Variants in RAD51B observed in about 807,000 individuals in gnomAD.
The protein encoded by RAD51B is RAD51 paralog B, also known as DNA repair protein RAD51 homolog 2.
In RAD51B, 38 loss-of-function variants were observed where a neutral mutation model predicts 42.2. The observed-to-expected ratio is 0.90, with a 90% CI of 0.70 to 1.18. RAD51B has a LOEUF of 1.18. RAD51B is among the 50% of genes most tolerant of loss of function. RAD51B has a pLI of 0.00. For missense variants in RAD51B, 373 were observed against 400.7 expected (o/e 0.93, Z 0.59); for synonymous variants, 154 against 145.2 (o/e 1.06, Z -0.43).
chr14:68,673,990 CACAT>C (rs1323232352), intron 11 of RAD51B, among the ~76,000 whole-genome samples: 2 of 152,060 alleles, frequency 1.3e-5, no homozygotes, highest in Admixed American at 6.5e-5. Context: ...ATACTGTACA[CACAT>C]ATATATACAT....
intron 10 of RAD51B, among the ~76,000 whole-genome samples, chr14:68,558,384 A>C (rs565125059): frequency 6.6e-6 from 1 of 152,358 alleles, no homozygotes; most frequent in Admixed American, 6.5e-5. Flanking sequence ...GGGCTCCCCT[A>C]GCCACGCGGG....
Position 68,559,447 on chromosome 14 carries a change from C to A in RAD51B, c.1037-35038C>A, listed in dbSNP as rs527841977. On this transcript the variant is annotated intron_variant, in intron 10 of 10. Coordinates refer to the RAD51B transcript ENST00000487270. ...CTAGGCTGGAGTGCAGTGGCGTGAT[C>A]TTGGCTCACTGCAACCTCTGCCTCC... Among the ~76,000 whole-genome samples, 8 of 149,380 alleles carry A rather than the reference C, an allele frequency of 5.4e-5. No homozygotes were observed. The South Asian group carries it at 1.5e-3, about 28-fold the overall frequency.
intron 10 of RAD51B, among the ~76,000 whole-genome samples, chr14:68,512,076 G>A (rs1885769199): frequency 6.6e-6 from 1 of 152,220 alleles, no homozygotes; most frequent in African/African-American, 2.4e-5. Flanking sequence ...ACTTTTGTGA[G>A]CCTGGGGCAT....
chr14:68,258,156 C>G (rs1384271157), intron 7 of RAD51B, among the ~76,000 whole-genome samples: 1 of 152,086 alleles, frequency 6.6e-6, no homozygotes, highest in Non-Finnish European at 1.5e-5. Flanking sequence ...AATCCCAGCA[C>G]TTTGGGAGGC....
intron 7 of RAD51B, among the ~76,000 whole-genome samples, chr14:68,023,151 A>G (rs866450032): frequency 2.0e-5 from 3 of 152,174 alleles, no homozygotes; most frequent in South Asian, 2.1e-4. Context: ...AGAATGATTT[A>G]TATTCTTTTG....
chr14:68,505,202 G>A (rs530356287), intron 10 of RAD51B, among the ~76,000 whole-genome samples: 7 of 152,360 alleles, frequency 4.6e-5, no homozygotes, highest in Admixed American at 2.6e-4. Context: ...AGCAGGAGCA[G>A]ATGGGGACAC....
chr14:68,155,082 TG>T (rs1180474092), intron 7 of RAD51B, among the ~76,000 whole-genome samples: 1 of 152,142 alleles, frequency 6.6e-6, no homozygotes, highest in Non-Finnish European at 1.5e-5. Context: ...TACTGAATTT[TG>T]GGGGGAAAGA....
intron 7 of RAD51B, among the ~76,000 whole-genome samples, chr14:68,115,175 G>T (rs2077520645): frequency 7.3e-6 from 1 of 136,394 alleles, no homozygotes. Flanking sequence ...ACTGGATTAA[G>T]AAAATGTGGC....
downstream of RAD51B, among the ~76,000 whole-genome samples, chr14:68,482,648 T>C (rs1883294844): frequency 1.3e-5 from 2 of 152,196 alleles, no homozygotes; most frequent in Admixed American, 6.5e-5. Context: ...AAGGACTTTC[T>C]TCATTCCACT....
At chr14:68,016,420 G>A (rs2075778819) in intron 7 of RAD51B, among the ~76,000 whole-genome samples, 1 of 152,104 alleles carries the variant, frequency 6.6e-6, no homozygotes, top group Non-Finnish European at 1.5e-5. Context: ...TAGTAATCCT[G>A]CCAACTGGAT....
chr14:68,233,035 T>G (rs1047877450), intron 7 of RAD51B, among the ~76,000 whole-genome samples: 1 of 152,012 alleles, frequency 6.6e-6, no homozygotes, highest in African/African-American at 2.4e-5. Context: ...GTGGGCTATA[T>G]CCACAGGCCA....
chr14:68,359,845 C>T (rs1006685590), intron 8 of RAD51B, among the ~76,000 whole-genome samples: 6 of 152,070 alleles, frequency 3.9e-5, no homozygotes, highest in African/African-American at 1.4e-4. Context: ...ACTTTAGAGA[C>T]TAGTCTTTTC....
At chr14:67,928,959 T>G (rs1167933059) in intron 7 of RAD51B, among the ~76,000 whole-genome samples, 1 of 152,162 alleles carries the variant, frequency 6.6e-6, no homozygotes, top group Non-Finnish European at 1.5e-5. Context: ...AATGTCTCCT[T>G]TTTCATTTCT....
intron 5 of RAD51B, among the ~76,000 whole-genome samples, chr14:67,879,941 T>G (rs1041044465): frequency 8.5e-5 from 13 of 152,220 alleles, no homozygotes; most frequent in Non-Finnish European, 1.5e-4. Flanking sequence ...ACCATATTAT[T>G]GCATTTTTTC....
At chr14:67,872,063 A>T (rs1168470871) in intron 5 of RAD51B, among the ~76,000 whole-genome samples, 2 of 150,406 alleles carry the variant, frequency 1.3e-5, no homozygotes, top group African/African-American at 4.9e-5. Flanking sequence ...CTTCTATTTA[A>T]CATAGTGTTG....
intron 7 of RAD51B, among the ~76,000 whole-genome samples, chr14:68,001,383 G>A (rs115123245): frequency 0.01 from 1,571 of 151,894 alleles, 31 homozygotes; most frequent in African/African-American, 0.036. Flanking sequence ...TATTTTTCTT[G>A]CTATATTGGT....
At chr14:68,369,576 A>C (rs972771656) in intron 8 of RAD51B, among the ~76,000 whole-genome samples, 1 of 152,204 alleles carries the variant, frequency 6.6e-6, no homozygotes, top group African/African-American at 2.4e-5. Context: ...ATTTTGGGGC[A>C]ACTCAGTCAG....
intron 9 of RAD51B, among the ~76,000 whole-genome samples, chr14:68,433,237 C>T (rs1053929447): frequency 3.9e-5 from 6 of 152,102 alleles, no homozygotes; most frequent in African/African-American, 9.7e-5. Flanking sequence ...TGGAGTTGCT[C>T]TTCTTGAGGA....
intron 7 of RAD51B, among the ~76,000 whole-genome samples, chr14:68,177,231 C>T (rs77095322): frequency 0.015 from 2,354 of 152,236 alleles, 66 homozygotes; most frequent in African/African-American, 0.051. Flanking sequence ...CTTTTAAAAG[C>T]ACCATCTTTT....
Sources: allele counts gnomAD v4.1 joint callset (sites outside exome capture counted in the v4.1 genomes callset), GRCh38; gene constraint gnomAD v4.1.1; transcripts MANE v1.5; gene names NCBI Gene and HGNC (gene_info 2026-07-23, HGNC 2026-07-21).